ANKS1B: variants seen among roughly 807,000 people sequenced by gnomAD.
ANKS1B encodes ankyrin repeat and sterile alpha motif domain-containing protein 1B.
In ANKS1B, 36 loss-of-function variants were observed where a neutral mutation model predicts 148.3. The ratio of observed to expected loss-of-function variants is 0.24; its 90% CI spans 0.19 to 0.32. ANKS1B has a LOEUF of 0.32. Ranked by LOEUF, ANKS1B falls within the 10% of genes least tolerant of loss-of-function variation. The pLI, the probability that ANKS1B is intolerant of heterozygous loss-of-function variation, is 1.00. For missense variants in ANKS1B, 1,157 were observed against 1,542.6 expected (o/e 0.75, Z 4.19); for synonymous variants, 542 against 560.8 (o/e 0.97, Z 0.47).
chr12:99,004,276 C>T (rs189710721), intron 17 of ANKS1B, among the ~76,000 whole-genome samples: 1 of 152,238 alleles, frequency 6.6e-6, no homozygotes, highest in East Asian at 1.9e-4. Context: ...CAGCAAAACG[C>T]TCCTATTACA....
chr12:99,644,942 C>T (rs927615022), intron 9 of ANKS1B, among the ~76,000 whole-genome samples: 1 of 152,132 alleles, frequency 6.6e-6, no homozygotes, highest in Non-Finnish European at 1.5e-5. Context: ...CTGACTCTGA[C>T]CCTGCTGCCT....
At chr12:99,559,097 C>A (rs1022963090) in intron 9 of ANKS1B, among the ~76,000 whole-genome samples, 1 of 152,142 alleles carries the variant, frequency 6.6e-6, no homozygotes, top group African/African-American at 2.4e-5. Flanking sequence ...CCGCTTCAGC[C>A]CAGCAACTGA....
intron 11 of ANKS1B, among the ~76,000 whole-genome samples, chr12:99,406,165 A>G (rs892813655): frequency 6.9e-6 from 1 of 145,630 alleles, no homozygotes; most frequent in Non-Finnish European, 1.5e-5. Flanking sequence ...ACTATAGGTC[A>G]AATGGGCTTA....
chr12:99,024,887 T>A (rs967692087), intron 17 of ANKS1B, among the ~76,000 whole-genome samples: 3 of 152,184 alleles, frequency 2.0e-5, no homozygotes, highest in Admixed American at 6.5e-5. Flanking sequence ...ATCTCTATAG[T>A]TTAGAGCCTG....
intron 16 of ANKS1B, among the ~76,000 whole-genome samples, chr12:99,068,187 T>C (rs934572793): frequency 3.9e-5 from 6 of 152,118 alleles, no homozygotes; most frequent in African/African-American, 1.2e-4. Flanking sequence ...GAATATGTAA[T>C]TTCCTTGGGT....
At chr12:99,070,610 T>G (rs2045947459) in intron 16 of ANKS1B, among the ~76,000 whole-genome samples, 1 of 152,238 alleles carries the variant, frequency 6.6e-6, no homozygotes, top group African/African-American at 2.4e-5. Flanking sequence ...GATCACTTTT[T>G]GCTTGGAGTG....
chr12:99,491,542 C>G (rs1449539843), intron 10 of ANKS1B, among the ~76,000 whole-genome samples: 39 of 152,098 alleles, frequency 2.6e-4, no homozygotes, highest in Non-Finnish European at 1.0e-4. Flanking sequence ...CTCTTCCCAC[C>G]CTCCACCCAC....
At position 99,608,512 on chromosome 12, in the gene ANKS1B, T is replaced by C. The variant is rs550581696; in HGVS notation, c.1272+46555A>G. On this transcript the variant is annotated intron_variant, in intron 9 of 26. Transcript: ENST00000683438. ...AACCACTTACAGCAACCGCTGTCTG[T>C]TGTATTGAAAACTGCAGCTCTACCC... is the stretch of plus-strand genomic sequence containing the variant. Among the ~76,000 whole-genome samples the C allele has an allele frequency of 1.4e-4, 22 of 152,202 alleles. 4 individuals carry two copies. The South Asian group carries it at 3.8e-3, about 26-fold the overall frequency.
intron 17 of ANKS1B, among the ~76,000 whole-genome samples, chr12:98,994,591 C>T (rs1367610990): frequency 1.3e-5 from 2 of 152,192 alleles, no homozygotes; most frequent in African/African-American, 4.8e-5. Context: ...TGCACTCCAT[C>T]CTGGGTAAAA....
At chr12:99,350,601 A>C (rs892785447) in intron 12 of ANKS1B, among the ~76,000 whole-genome samples, 1 of 152,090 alleles carries the variant, frequency 6.6e-6, no homozygotes, top group African/African-American at 2.4e-5. Flanking sequence ...AAAACCATGA[A>C]AAAGTTTTCT....
intron 14 of ANKS1B, among the ~76,000 whole-genome samples, chr12:99,214,715 C>T (rs2083887688): frequency 6.6e-6 from 1 of 152,118 alleles, no homozygotes; most frequent in Admixed American, 6.5e-5. Flanking sequence ...ATTAAGACAC[C>T]TAAAAATGTG....
At chr12:99,591,681 C>T (rs747727415) in intron 9 of ANKS1B, among the ~76,000 whole-genome samples, 4 of 152,036 alleles carry the variant, frequency 2.6e-5, no homozygotes, top group Non-Finnish European at 5.9e-5. Flanking sequence ...ATTGTTACCT[C>T]GATTCTCAAG....
chr12:99,407,577 C>A (rs1280618314), intron 11 of ANKS1B, among the ~76,000 whole-genome samples: 1 of 145,534 alleles, frequency 6.9e-6, no homozygotes, highest in East Asian at 1.9e-4. Context: ...TTTGAATTAG[C>A]CTTTCAAAAT....
intron 10 of ANKS1B, among the ~76,000 whole-genome samples, chr12:99,471,397 A>G (rs1353645454): frequency 6.6e-6 from 1 of 152,096 alleles, no homozygotes; most frequent in East Asian, 1.9e-4. Context: ...AAAAAATTAG[A>G]TGTCACAAAA....
chr12:99,220,399 T>A (rs2084912045), intron 14 of ANKS1B, among the ~76,000 whole-genome samples: 1 of 149,874 alleles, frequency 6.7e-6, no homozygotes, highest in African/African-American at 2.5e-5. Flanking sequence ...AGAAATTAAG[T>A]AAAAAACAAA....
At chr12:99,689,087 C>T (rs924028676) in intron 8 of ANKS1B, among the ~76,000 whole-genome samples, 1 of 152,164 alleles carries the variant, frequency 6.6e-6, no homozygotes, top group African/African-American at 2.4e-5. Context: ...CCTCTACTTC[C>T]TCATCTTCAA....
chr12:98,929,128 G>A (rs2099811579), intron 17 of ANKS1B, among the ~76,000 whole-genome samples: 1 of 151,890 alleles, frequency 6.6e-6, no homozygotes, highest in Admixed American at 6.6e-5. Flanking sequence ...TTGTATTTCT[G>A]TGTATTGACA....
At chr12:98,925,697 G>A (rs1312248900) in intron 17 of ANKS1B, among the ~76,000 whole-genome samples, 1 of 152,162 alleles carries the variant, frequency 6.6e-6, no homozygotes, top group Non-Finnish European at 1.5e-5. Flanking sequence ...TGATAGCTAT[G>A]AAAACTAGCA....
intron 15 of ANKS1B, among the ~76,000 whole-genome samples, chr12:99,126,840 A>G (rs2064520009): frequency 6.6e-6 from 1 of 152,182 alleles, no homozygotes; most frequent in Non-Finnish European, 1.5e-5. Flanking sequence ...ATCGATTAAG[A>G]GTCTACCCAC....
Sources: allele counts gnomAD v4.1 joint callset (sites outside exome capture counted in the v4.1 genomes callset), GRCh38; gene constraint gnomAD v4.1.1; transcripts MANE v1.5; gene names NCBI Gene and HGNC (gene_info 2026-07-23, HGNC 2026-07-21).